PAN3: variants seen among roughly 807,000 people sequenced by gnomAD.
PAN3 encodes PAN2-PAN3 deadenylation complex subunit PAN3.
PAN3 carries 19 observed loss-of-function variants against 96.2 expected under a neutral mutation model. The observed-to-expected ratio is 0.20, with a 90% confidence interval of 0.14 to 0.29. The LOEUF is 0.29. PAN3 is among the 10% of genes least tolerant of loss of function. The probability of loss-of-function intolerance (pLI) is 1.00; values close to 1 mark genes in which losing one functional copy is unlikely to be tolerated. For missense variants in PAN3, 882 were observed against 1,108.1 expected (o/e 0.80, Z 2.90); for synonymous variants, 433 against 406.6 (o/e 1.06, Z -0.78).
intron 13 of PAN3, 34 bp downstream of exon 13, chr13:28,270,900 G>A: frequency 6.3e-7 from 1 of 1,594,216 alleles, no homozygotes; most frequent in Non-Finnish European, 8.6e-7. Flanking sequence ...TTCTTTTATT[G>A]AGCGTCTTAC....
chr13:28,224,529 A>C (rs1566203351), intron 6 of PAN3, among the ~76,000 whole-genome samples: 1 of 152,244 alleles, frequency 6.6e-6, no homozygotes, highest in East Asian at 1.9e-4. Context: ...TGAGAAAATG[A>C]GTCACAGTGA....
chr13:28,237,672 A>C (rs560761350), intron 6 of PAN3, among the ~76,000 whole-genome samples: 17 of 152,200 alleles, frequency 1.1e-4, no homozygotes, highest in Non-Finnish European at 2.5e-4. Flanking sequence ...TAATAGCTTG[A>C]AATTGGTGGG....
At chr13:28,275,476 T>C (rs1004235143) in intron 14 of PAN3, among the ~76,000 whole-genome samples, 1 of 152,314 alleles carries the variant, frequency 6.6e-6, no homozygotes, top group East Asian at 1.9e-4. Flanking sequence ...TGGAAGACTG[T>C]GTGTTGGTAC....
intron 14 of PAN3, among the ~76,000 whole-genome samples, chr13:28,274,750 T>G (rs569964611): frequency 6.6e-6 from 1 of 152,330 alleles, no homozygotes; most frequent in African/African-American, 2.4e-5. Flanking sequence ...AAAGGATATA[T>G]ATCAGGCTTT....
intron 1 of PAN3, among the ~76,000 whole-genome samples, chr13:28,167,473 T>C (rs1156638840): frequency 6.6e-6 from 1 of 152,088 alleles, no homozygotes; most frequent in Non-Finnish European, 1.5e-5. Flanking sequence ...ATACCCATTT[T>C]TAATCTTTAC....
At chr13:28,241,064 C>A (rs757476765) in intron 6 of PAN3, among the ~76,000 whole-genome samples, 2 of 152,154 alleles carry the variant, frequency 1.3e-5, no homozygotes, top group African/African-American at 4.8e-5. Flanking sequence ...AGTTCAAGAC[C>A]AGCCTGGGCA....
At chr13:28,145,172 G>C (rs1030899204) in intron 1 of PAN3, among the ~76,000 whole-genome samples, 1 of 152,118 alleles carries the variant, frequency 6.6e-6, no homozygotes, top group Non-Finnish European at 1.5e-5. Flanking sequence ...AACATCTTTT[G>C]TAGCTGTAGT....
intron 6 of PAN3, among the ~76,000 whole-genome samples, chr13:28,231,189 T>G (rs1882521037): frequency 6.6e-6 from 1 of 152,234 alleles, no homozygotes; most frequent in Non-Finnish European, 1.5e-5. Flanking sequence ...TTCATGTTTT[T>G]GGGATTTAGG....
chr13:28,283,087 C>A (rs1868493389), intron 17 of PAN3, among the ~76,000 whole-genome samples: 1 of 151,720 alleles, frequency 6.6e-6, no homozygotes, highest in African/African-American at 2.4e-5. Context: ...CTCGCTCTAT[C>A]CCCCAGGCTG....
chr13:28,264,047 T>TA (rs1885957264), intron 9 of PAN3, among the ~76,000 whole-genome samples: 1 of 152,216 alleles, frequency 6.6e-6, no homozygotes, highest in South Asian at 2.1e-4. Context: ...CATCCTGAAT[T>TA]ACAGTGCAGT....
chr13:28,194,934 A>G lies in PAN3; in HGVS notation c.691-2251A>G, dbSNP rs576052778. On this transcript the variant is annotated intron_variant, in intron 4 of 18. Coordinates refer to ENST00000380958, the MANE Select transcript of PAN3 (RefSeq NM_175854.8). ...CTTGCTTTAAAATTCTTTCACTTATAACGTGGTTCCATGGCATGAATCACT... is the reference window on the plus strand; with the variant it reads ...CTTGCTTTAAAATTCTTTCACTTATGACGTGGTTCCATGGCATGAATCACT... Among the ~76,000 whole-genome samples, 4 of 152,236 alleles carry G rather than the reference A, an allele frequency of 2.6e-5. No homozygotes were observed. The South Asian group carries it at 8.3e-4, about 32-fold the overall frequency.
intron 18 of PAN3, among the ~76,000 whole-genome samples, chr13:28,291,708 A>T (rs1267169452): frequency 6.6e-6 from 1 of 152,002 alleles, no homozygotes; most frequent in Non-Finnish European, 1.5e-5. Flanking sequence ...GCAGGTGCCT[A>T]TAATCCCAGC....
intron 4 of PAN3, among the ~76,000 whole-genome samples, chr13:28,196,474 T>C (rs1878070293): frequency 6.6e-6 from 1 of 152,088 alleles, no homozygotes; most frequent in Non-Finnish European, 1.5e-5. Context: ...TAATTTATGA[T>C]TTTATTGAAT....
At position 28,138,640 on chromosome 13, in the gene PAN3, C is replaced by G. The variant is rs1869117542; in HGVS notation, c.-18C>G. 1 of 542,566 alleles carries G rather than the reference C, an allele frequency of 1.8e-6. No individual in the cohort carries two copies. Among genetic ancestry groups the G allele is most frequent in the Non-Finnish European group, 2.9e-6 (1 of 340,922 alleles). 33.6% of individuals were successfully genotyped at this position (542,566 alleles called of 1,614,324 possible). On this transcript the variant is annotated 5_prime_UTR_variant, in exon 1 of 19. Transcript: ENST00000380958. The stretch of plus-strand genomic sequence containing the variant: ...CGGCTCCTCGGGCGGCGGCGGAAGA[C>G]GAGGCTGCGGCGTTGCCATGAACAG...
intron 5 of PAN3, chr13:28,214,565 C>G (rs1880496294): frequency 2.7e-6 from 1 of 368,886 alleles, no homozygotes; most frequent in Non-Finnish European, 5.1e-6. Flanking sequence ...CACATAGATT[C>G]AAGGCAAGTC....
rs934139113 is a variant in PAN3, at chr13:28,177,725, T to C, written c.620-140T>C. 8.7e-5 allele frequency: 58 copies of C among 669,416 alleles called. No individual in the cohort carries two copies. The African/African-American group carries it at 9.3e-4, about 11-fold the overall frequency. The allele number at this position is 669,416 out of a possible 1,614,324, so 41.5% of individuals were successfully genotyped here. On this transcript the variant is annotated intron_variant, in intron 3 of 18. Coordinates refer to ENST00000380958, the MANE Select transcript of PAN3 (RefSeq NM_175854.8). Reference sequence around the variant, plus strand: ...TTGTGTTTTATTTGCTCAGAAAATATTTGAACATAACTGTGTGTTAGGTAC... The same window carrying C: ...TTGTGTTTTATTTGCTCAGAAAATACTTGAACATAACTGTGTGTTAGGTAC...
At chr13:28,253,329 G>A (rs1190234780) in intron 6 of PAN3, among the ~76,000 whole-genome samples, 1 of 152,082 alleles carries the variant, frequency 6.6e-6, no homozygotes, top group Non-Finnish European at 1.5e-5. Context: ...AGGCACTTAA[G>A]AATGGGCATC....
chr13:28,290,936 T>G (rs959638368), intron 18 of PAN3, among the ~76,000 whole-genome samples: 3 of 108,494 alleles, frequency 2.8e-5, no homozygotes, highest in African/African-American at 1.1e-4. Flanking sequence ...CAAAGATCAT[T>G]TAATGAATAT....
At chr13:28,208,184 A>G (rs565004482) in intron 5 of PAN3, among the ~76,000 whole-genome samples, 8 of 152,370 alleles carry the variant, frequency 5.3e-5, no homozygotes, top group Non-Finnish European at 8.8e-5. Flanking sequence ...GAAAGAATAC[A>G]TCTAAGTATT....
Sources: allele counts gnomAD v4.1 joint callset (sites outside exome capture counted in the v4.1 genomes callset), GRCh38; gene constraint gnomAD v4.1.1; transcripts MANE v1.5; gene names NCBI Gene and HGNC (gene_info 2026-07-23, HGNC 2026-07-21).